HPSE2: variants seen among roughly 807,000 people sequenced by gnomAD.
HPSE2 encodes inactive heparanase-2.
In HPSE2, 38 loss-of-function variants were observed where a neutral mutation model predicts 60.5. The observed-to-expected ratio is 0.63, with a 90% CI of 0.48 to 0.82. The LOEUF is 0.82. HPSE2 is among the 40% of genes least tolerant of loss of function. The pLI, the probability that HPSE2 is intolerant of heterozygous loss-of-function variation, is 0.00. For missense variants in HPSE2, 713 were observed against 740.4 expected (o/e 0.96, Z 0.43); for synonymous variants, 295 against 293.2 (o/e 1.01, Z -0.06).
intron 3 of HPSE2, among the ~76,000 whole-genome samples, chr10:99,085,314 C>T (rs1843280487): frequency 6.6e-6 from 1 of 152,180 alleles, no homozygotes; most frequent in Non-Finnish European, 1.5e-5. Flanking sequence ...TTTGTCCAAG[C>T]TCCTGTATTT....
chr10:98,460,034 G>A (rs1940218606), intron 11 of HPSE2, among the ~76,000 whole-genome samples: 1 of 151,986 alleles, frequency 6.6e-6, no homozygotes, highest in African/African-American at 2.4e-5. Flanking sequence ...TCCAGGGTTT[G>A]AACCCAGGTA....
chr10:99,203,428 C>A (rs912105380), intron 2 of HPSE2, among the ~76,000 whole-genome samples: 6 of 152,104 alleles, frequency 3.9e-5, no homozygotes, highest in Admixed American at 3.3e-4. Flanking sequence ...GGTTTCAGAC[C>A]ATCCAAGCCA....
At chr10:99,042,129 T>C (rs1957753089) in intron 3 of HPSE2, among the ~76,000 whole-genome samples, 1 of 151,638 alleles carries the variant, frequency 6.6e-6, no homozygotes, top group Non-Finnish European at 1.5e-5. Context: ...GGCCCTCTCC[T>C]ATTGCTTCTG....
intron 2 of HPSE2, among the ~76,000 whole-genome samples, chr10:99,227,456 T>C (rs1478765967): frequency 6.6e-6 from 1 of 152,024 alleles, no homozygotes; most frequent in Non-Finnish European, 1.5e-5. Flanking sequence ...ATAAAGTTAA[T>C]TTAACACATA....
chr10:98,619,591 G>A (rs1946017757), intron 8 of HPSE2, among the ~76,000 whole-genome samples: 1 of 152,046 alleles, frequency 6.6e-6, no homozygotes, highest in Admixed American at 6.6e-5. Flanking sequence ...CTGTAATTTG[G>A]TGGTAAACCC....
At chr10:98,881,836 CATAA>C in intron 3 of HPSE2, among the ~76,000 whole-genome samples, 1 of 152,132 alleles carries the variant, frequency 6.6e-6, no homozygotes, top group South Asian at 2.1e-4. Flanking sequence ...GTTTTTGTTG[CATAA>C]CTGTGTAGAT....
intron 9 of HPSE2, among the ~76,000 whole-genome samples, chr10:98,577,003 A>G (rs2133911423): frequency 6.6e-6 from 1 of 151,898 alleles, no homozygotes; most frequent in South Asian, 2.1e-4. Flanking sequence ...GCTCTTGAAA[A>G]ACCCCTACGT....
intron 3 of HPSE2, among the ~76,000 whole-genome samples, chr10:98,987,719 T>C (rs1045862305): frequency 4.6e-5 from 7 of 152,190 alleles, no homozygotes; most frequent in African/African-American, 1.7e-4. Flanking sequence ...TGTTTGCAGA[T>C]GACATGATTG....
At chr10:99,155,869 A>G (rs1328795482) in intron 2 of HPSE2, among the ~76,000 whole-genome samples, 1 of 151,886 alleles carries the variant, frequency 6.6e-6, no homozygotes, top group Non-Finnish European at 1.5e-5. Context: ...AGACTAATAA[A>G]GAAAAAAAGA....
intron 4 of HPSE2, among the ~76,000 whole-genome samples, chr10:98,730,408 T>C (rs1949197892): frequency 6.6e-6 from 1 of 152,002 alleles, no homozygotes; most frequent in Admixed American, 6.6e-5. Flanking sequence ...CTAAGTTTCC[T>C]CCTTAAGAAA....
At chr10:98,557,017 C>T (rs892484638) in intron 9 of HPSE2, among the ~76,000 whole-genome samples, 4 of 146,442 alleles carry the variant, frequency 2.7e-5, no homozygotes, top group Admixed American at 1.4e-4. Context: ...TGAGACCATC[C>T]TGGCTAACAT....
intron 5 of HPSE2, among the ~76,000 whole-genome samples, chr10:98,697,624 T>G (rs372269042): frequency 6.6e-6 from 1 of 152,080 alleles, no homozygotes; most frequent in Non-Finnish European, 1.5e-5. Flanking sequence ...CCTAGCAAGA[T>G]AGGCCAACAT....
At chr10:98,970,407 G>A (rs1367248029) in intron 3 of HPSE2, among the ~76,000 whole-genome samples, 1 of 152,116 alleles carries the variant, frequency 6.6e-6, no homozygotes, top group Non-Finnish European at 1.5e-5. Flanking sequence ...CAACACCAGA[G>A]ACCACATTTT....
At chr10:98,887,771 G>A (rs938582397) in intron 3 of HPSE2, among the ~76,000 whole-genome samples, 4 of 151,974 alleles carry the variant, frequency 2.6e-5, no homozygotes, top group Non-Finnish European at 4.4e-5. Flanking sequence ...CCAAGAATTA[G>A]TTCAAATGTT....
intron 3 of HPSE2, among the ~76,000 whole-genome samples, chr10:99,136,569 T>C (rs911513767): frequency 2.0e-5 from 3 of 152,216 alleles, no homozygotes; most frequent in Non-Finnish European, 4.4e-5. Context: ...ATCCCTGGGA[T>C]GCAAGGCTGG....
intron 6 of HPSE2, among the ~76,000 whole-genome samples, chr10:98,684,466 A>T (rs542839168): frequency 1.3e-5 from 2 of 152,336 alleles, no homozygotes; most frequent in African/African-American, 2.4e-5. Flanking sequence ...AAGTTGTGAA[A>T]GAAAGAAAAT....
chr10:98,700,169 A>G (rs1023467882), intron 5 of HPSE2, among the ~76,000 whole-genome samples: 55 of 152,172 alleles, frequency 3.6e-4, no homozygotes, highest in African/African-American at 1.3e-3. Context: ...GAACCAAAAA[A>G]GAGCCTGCAT....
chr10:99,283,913 A>G, the HPSE2 span, among the ~76,000 whole-genome samples: 2 of 152,206 alleles, frequency 1.3e-5, no homozygotes, highest in Non-Finnish European at 2.9e-5. Flanking sequence ...AAAAGTCCAG[A>G]ACTGGATGAC....
chr10:98,470,162 TGTTTA>T (rs1322599461), intron 11 of HPSE2, among the ~76,000 whole-genome samples: 25 of 152,282 alleles, frequency 1.6e-4, no homozygotes, highest in African/African-American at 5.3e-4. Context: ...AAACATAACA[TGTTTA>T]GTTATGTTTA....
Sources: allele counts gnomAD v4.1 joint callset (sites outside exome capture counted in the v4.1 genomes callset), GRCh38; gene constraint gnomAD v4.1.1; transcripts MANE v1.5; gene names NCBI Gene and HGNC (gene_info 2026-07-23, HGNC 2026-07-21).